RTL4: variants seen among roughly 807,000 people sequenced by gnomAD.
The protein encoded by RTL4 is retrotransposon Gag-like protein 4.
Under a neutral mutation model 5.3 loss-of-function variants are expected in RTL4, and 4 were observed. The observed-to-expected ratio is 0.75, with a 90% CI of 0.37 to 1.72. RTL4 has a LOEUF of 1.72. RTL4 is among the 40% of genes most tolerant of loss of function. The pLI, the probability that RTL4 is intolerant of heterozygous loss-of-function variation, is 0.04. For synonymous variants in RTL4, 98 were observed against 87.3 expected, an observed-to-expected ratio of 1.12 and a Z score of -0.68; for missense variants, 260 against 227.1, an observed-to-expected ratio of 1.14 and a Z score of -0.93.
the RTL4 span, among the ~76,000 whole-genome samples, chrX:112,183,410 A>G: frequency 8.9e-6 from 1 of 112,158 alleles, no homozygotes; most frequent in African/African-American, 3.2e-5. Flanking sequence ...TGCTGTATTC[A>G]GGAGAACGAT....
the RTL4 span, among the ~76,000 whole-genome samples, chrX:112,309,560 G>A: frequency 9.2e-5 from 10 of 108,316 alleles, no homozygotes; most frequent in Non-Finnish European, 1.7e-4. Context: ...ACGATCTCGG[G>A]TCTGTGCAAC....
the RTL4 span, among the ~76,000 whole-genome samples, chrX:112,307,874 A>G: frequency 9.0e-6 from 1 of 111,418 alleles, no homozygotes. Flanking sequence ...CTACTTCCTC[A>G]TCATCACTCA....
chrX:112,390,710 T>C, the RTL4 span, among the ~76,000 whole-genome samples: 13 of 110,526 alleles, frequency 1.2e-4, 1 homozygote, highest in Admixed American at 1.1e-3. Context: ...GGGTTCCCTT[T>C]GTCAGTGACC....
chrX:112,116,073 G>A, the RTL4 span, among the ~76,000 whole-genome samples: 2 of 112,077 alleles, frequency 1.8e-5, no homozygotes, highest in Non-Finnish European at 3.8e-5. Context: ...GAAGAGTCAG[G>A]GGTTGTTAGA....
chrX:112,423,207 C>A, the RTL4 span, among the ~76,000 whole-genome samples: 1 of 110,175 alleles, frequency 9.1e-6, no homozygotes, highest in African/African-American at 3.3e-5. Flanking sequence ...GGTGATAGAT[C>A]AATTCCTTTC....
the RTL4 span, among the ~76,000 whole-genome samples, chrX:112,265,234 G>A: frequency 8.9e-6 from 1 of 112,797 alleles, no homozygotes; most frequent in Non-Finnish European, 1.9e-5. Flanking sequence ...TATTTGTAAA[G>A]TGAAGGTCAT....
chrX:112,350,638 T>C, the RTL4 span, among the ~76,000 whole-genome samples: 25 of 111,832 alleles, frequency 2.2e-4, no homozygotes, highest in African/African-American at 8.1e-4. Flanking sequence ...TTCTAGATTT[T>C]CTAGTTTATT....
the RTL4 span, among the ~76,000 whole-genome samples, chrX:112,268,178 C>G: frequency 9.0e-6 from 1 of 111,604 alleles, no homozygotes; most frequent in African/African-American, 3.3e-5. Flanking sequence ...TCCAACCACT[C>G]TCTTCTTTTT....
upstream of RTL4, among the ~76,000 whole-genome samples, chrX:112,451,175 C>T (rs1926728804): frequency 1.8e-5 from 2 of 111,621 alleles, no homozygotes. Flanking sequence ...GCTTGCGGAC[C>T]TACAATAATA....
chrX:112,224,762 T>A, the RTL4 span, among the ~76,000 whole-genome samples: 1 of 111,592 alleles, frequency 9.0e-6, no homozygotes. Flanking sequence ...ACAACTACAA[T>A]GGTTACCATT....
the RTL4 span, among the ~76,000 whole-genome samples, chrX:112,119,011 T>TA: frequency 1.4e-5 from 1 of 70,026 alleles, no homozygotes; most frequent in African/African-American, 1.1e-4. Context: ...ACCCAGCTAA[T>TA]TTTTTTTTTT....
At chrX:112,270,489 C>A in the RTL4 span, among the ~76,000 whole-genome samples, 5 of 111,731 alleles carry the variant, frequency 4.5e-5, no homozygotes, top group African/African-American at 1.6e-4. Flanking sequence ...CATTACCCAG[C>A]ACCCAGCAGG....
At chrX:112,189,722 C>A in the RTL4 span, among the ~76,000 whole-genome samples, 1 of 109,989 alleles carries the variant, frequency 9.1e-6, no homozygotes, top group Non-Finnish European at 1.9e-5. Context: ...CAAGATCATG[C>A]CACTGCACTC....
At chrX:112,363,167 GA>G in the RTL4 span, among the ~76,000 whole-genome samples, 2 of 111,031 alleles carry the variant, frequency 1.8e-5, no homozygotes, top group African/African-American at 6.5e-5. Flanking sequence ...GGAAGACAAT[GA>G]AAAACAATGG....
the RTL4 span, among the ~76,000 whole-genome samples, chrX:112,231,881 A>G: frequency 8.9e-6 from 1 of 111,763 alleles, no homozygotes; most frequent in African/African-American, 3.3e-5. Context: ...GTGAGGAATA[A>G]GTGGTAGAAC....
At chrX:112,349,529 T>G in the RTL4 span, among the ~76,000 whole-genome samples, 1 of 106,841 alleles carries the variant, frequency 9.4e-6, no homozygotes, top group East Asian at 2.9e-4. Context: ...TGTATCCTCT[T>G]TTATTTCATT....
chrX:112,120,580 G>GTTTTTTT, the RTL4 span, among the ~76,000 whole-genome samples: 4 of 92,981 alleles, frequency 4.3e-5, 1 homozygote, highest in African/African-American at 7.8e-5. Flanking sequence ...CCCGGCTGGG[G>GTTTTTTT]TTTTTTTTTT....
At chrX:112,121,852 A>G in the RTL4 span, among the ~76,000 whole-genome samples, 37 of 111,738 alleles carry the variant, frequency 3.3e-4, no homozygotes, top group African/African-American at 1.0e-3. Flanking sequence ...TAGAAAATCT[A>G]TTAATATAAT....
the RTL4 span, among the ~76,000 whole-genome samples, chrX:112,348,371 T>G: frequency 2.2e-5 from 2 of 90,367 alleles, no homozygotes; most frequent in African/African-American, 4.8e-5. Context: ...TTAATTTGTG[T>G]TTTTTTTTTT....
Sources: allele counts gnomAD v4.1 joint callset (sites outside exome capture counted in the v4.1 genomes callset), GRCh38; gene constraint gnomAD v4.1.1; transcripts MANE v1.5; gene names NCBI Gene and HGNC (gene_info 2026-07-23, HGNC 2026-07-21).